Variants in TJP2 observed in about 807,000 individuals in gnomAD.
TJP2 encodes the protein Friedreich ataxia region gene X104 (tight junction protein ZO-2).
Under a neutral mutation model 133.1 loss-of-function variants are expected in TJP2, and 91 were observed. The ratio of observed to expected loss-of-function variants is 0.68; its 90% CI spans 0.58 to 0.81. TJP2 has a LOEUF of 0.81. TJP2 is among the 40% of genes least tolerant of loss of function. TJP2 has a pLI of 0.00. For synonymous variants in TJP2, 592 were observed against 583.4 expected, an observed-to-expected ratio of 1.01 and a Z score of -0.21; for missense variants, 1,541 against 1,565.6, an observed-to-expected ratio of 0.98 and a Z score of 0.26.
intron 1 of TJP2, among the ~76,000 whole-genome samples, chr9:69,212,186 G>A (rs554254309): frequency 9.7e-4 from 148 of 152,302 alleles, no homozygotes; most frequent in African/African-American, 3.3e-3. Flanking sequence ...CCTTTGACAG[G>A]AAGAGGGGGA....
In TJP2 at chr9:69,234,333, A is replaced by G. The variant is rs549987928; in HGVS notation, c.1672-106A>G. The stretch of plus-strand genomic sequence containing the variant: ...GGACAGGCCCTGATGAAAACAAACA[A>G]AAGGGTCAGTGGCATCTTACTATAA... On this transcript the variant is annotated intron_variant, in intron 11 of 22. Coordinates refer to ENST00000377245, the MANE Select transcript of TJP2 (RefSeq NM_004817.4). The G allele has an allele frequency of 4.8e-5, 45 of 938,628 alleles. No homozygotes were observed. In the Middle Eastern group the frequency reaches 1.0e-3, roughly 21 times the overall value. The allele number at this position is 938,628 out of a possible 1,614,324, so 58.1% of individuals were successfully genotyped here.
chr9:69,248,451 C>T (rs1831087616), intron 19 of TJP2: 1 of 1,383,646 alleles, frequency 7.2e-7, no homozygotes, highest in African/African-American at 1.4e-5. Context: ...GCACTCCGCA[C>T]ACCCATGCCC....
chr9:69,224,048 G>A (rs1829125557), intron 5 of TJP2, among the ~76,000 whole-genome samples: 1 of 152,190 alleles, frequency 6.6e-6, no homozygotes, highest in Non-Finnish European at 1.5e-5. Context: ...ATTTTTACAA[G>A]TTTATTAAGT....
intron 1 of TJP2, among the ~76,000 whole-genome samples, chr9:69,129,971 C>G (rs1021363809): frequency 7.2e-6 from 1 of 139,670 alleles, no homozygotes; most frequent in African/African-American, 2.7e-5. Context: ...GCCAAGATCA[C>G]GCCATTGCAC....
At chr9:69,214,866 CA>C (rs10672826) in intron 2 of TJP2, among the ~76,000 whole-genome samples, 6 of 135,788 alleles carry the variant, frequency 4.4e-5, no homozygotes, top group South Asian at 4.8e-4. Flanking sequence ...GACTCCATCT[CA>C]AAAAAAAAAA....
chr9:69,226,507 GT>G (rs571241737), intron 7 of TJP2, among the ~76,000 whole-genome samples: 5 of 150,972 alleles, frequency 3.3e-5, no homozygotes, highest in African/African-American at 1.2e-4. Flanking sequence ...ATTGCTTATT[GT>G]TTTTTTTTGA....
In TJP2 at chr9:69,208,118, C is replaced by A. The variant is rs186930874; in HGVS notation, c.61-4430C>A. 2.6e-5 allele frequency among the ~76,000 whole-genome samples: 4 copies of A among 152,188 alleles called. No homozygotes were observed. The East Asian group carries it at 7.7e-4, about 29-fold the overall frequency. On this transcript the variant is annotated intron_variant, in intron 1 of 22. Coordinates refer to ENST00000377245, the MANE Select transcript of TJP2 (RefSeq NM_004817.4). ...GTGAAGAGTTTTCTGTGAGACCTTC[C>A]CAAAAAGTCACAGTTCTGTAGGCTA...
chr9:69,134,947 G>GGA lies in TJP2; in HGVS notation c.-131+13239_-131+13240dup, dbSNP rs148798484. ...GGAGAGAGAGGGAGAAGAGAGAAGA[G>GGA]GAGAGAGAGAGAGAGAGAAGAGAGA... On this transcript the variant is annotated intron_variant, in intron 1 of 5. Transcript: ENST00000423935. Among the ~76,000 whole-genome samples the GGA allele has an allele frequency of 3.6e-4, 54 of 148,510 alleles. 1 individual carries two copies. Among genetic ancestry groups the GGA allele is most frequent in the East Asian group, 1.8e-3 (9 of 5,036 alleles).
chr9:69,139,453 A>G (rs1219414479), intron 1 of TJP2, among the ~76,000 whole-genome samples: 1 of 152,166 alleles, frequency 6.6e-6, no homozygotes, highest in Non-Finnish European at 1.5e-5. Context: ...ACACATACAG[A>G]GGGAAGGTAA....
chr9:69,244,401 C>T (rs111695715), intron 17 of TJP2, among the ~76,000 whole-genome samples: 29 of 152,216 alleles, frequency 1.9e-4, no homozygotes, highest in African/African-American at 6.7e-4. Context: ...TTCCAAACCT[C>T]CTTGGCTGGG....
At chr9:69,190,769 C>A (rs1826151598) in intron 1 of TJP2, among the ~76,000 whole-genome samples, 1 of 152,194 alleles carries the variant, frequency 6.6e-6, no homozygotes, top group Admixed American at 6.5e-5. Flanking sequence ...TAAATTGAGT[C>A]TGGTGGTTGG....
chr9:69,180,640 T>G (rs1056599161), intron 1 of TJP2, among the ~76,000 whole-genome samples: 4 of 152,228 alleles, frequency 2.6e-5, no homozygotes, highest in African/African-American at 9.6e-5. Context: ...CATTCTGCTC[T>G]CAGTCCTTGG....
At chr9:69,147,810 G>A (rs185417176) in intron 1 of TJP2, among the ~76,000 whole-genome samples, 3 of 152,206 alleles carry the variant, frequency 2.0e-5, no homozygotes, top group African/African-American at 7.2e-5. Context: ...GAGAGAGAAC[G>A]TTTCCTTAAG....
At chr9:69,145,836 G>A in intron 1 of TJP2, 1 of 1,224,670 alleles carries the variant, frequency 8.2e-7, no homozygotes, top group Non-Finnish European at 1.0e-6. Context: ...AGAGGAGGCT[G>A]GAAGCTTCTC....
chr9:69,210,757 T>TC (rs917386172), intron 1 of TJP2, among the ~76,000 whole-genome samples: 4 of 150,634 alleles, frequency 2.7e-5, no homozygotes, highest in African/African-American at 9.8e-5. Context: ...TTTTTTTTTT[T>TC]TTTTTTCTTA....
chr9:69,249,566 T>C, intron 20 of TJP2, 81 bp downstream of exon 20: 3 of 1,549,562 alleles, frequency 1.9e-6, no homozygotes, highest in East Asian at 2.4e-5. Flanking sequence ...GGGAGGAGCA[T>C]GCACACTGAG....
chr9:69,167,609 C>T (rs1824426048), intron 2 of TJP2, among the ~76,000 whole-genome samples: 1 of 152,120 alleles, frequency 6.6e-6, no homozygotes, highest in African/African-American at 2.4e-5. Flanking sequence ...TCTGTAATCC[C>T]AGCACTTTGG....
chr9:69,222,466 G>A (rs775165228), intron 5 of TJP2, among the ~76,000 whole-genome samples: 16 of 152,162 alleles, frequency 1.1e-4, no homozygotes, highest in South Asian at 8.3e-4. Context: ...GCATCTGGCC[G>A]AGCTATCTCT....
chr9:69,197,237 G>A (rs762801441), intron 1 of TJP2, among the ~76,000 whole-genome samples: 4 of 152,218 alleles, frequency 2.6e-5, no homozygotes, highest in Admixed American at 6.5e-5. Flanking sequence ...GATTACAGGC[G>A]TGAGCCATCG....
Sources: allele counts gnomAD v4.1 joint callset (sites outside exome capture counted in the v4.1 genomes callset), GRCh38; gene constraint gnomAD v4.1.1; transcripts MANE v1.5; gene names NCBI Gene and HGNC (gene_info 2026-07-23, HGNC 2026-07-21).